HARS1: variants seen among roughly 807,000 people sequenced by gnomAD.
The protein encoded by HARS1 is histidyl-tRNA synthetase 1, also known as histidine--tRNA ligase, cytoplasmic.
Under a neutral mutation model 63.6 loss-of-function variants are expected in HARS1, and 45 were observed. The ratio of observed to expected loss-of-function variants is 0.71; its 90% CI spans 0.56 to 0.91. The LOEUF (loss-of-function observed/expected upper bound fraction) is 0.91. HARS1 is among the 40% of genes least tolerant of loss of function. The probability of loss-of-function intolerance (pLI) is 0.00; values close to 1 mark genes in which losing one functional copy is unlikely to be tolerated. For synonymous variants in HARS1, 205 were observed against 247.1 expected (o/e 0.83, Z 1.60); for missense variants, 508 against 643.2 (o/e 0.79, Z 2.27).
At chr5:140,674,596 T>C in intron 12 of HARS1, 83 bp downstream of exon 12, 1 of 1,485,412 alleles carries the variant, frequency 6.7e-7, no homozygotes, top group Non-Finnish European at 9.4e-7. Flanking sequence ...ATGCCAGGCT[T>C]TTTCTCAGGT....
At chr5:140,675,276 T>C in intron 10 of HARS1, 143 bp from the exon 11 acceptor site, 1 of 645,532 alleles carries the variant, frequency 1.5e-6, no homozygotes, top group Non-Finnish European at 2.8e-6. Flanking sequence ...ACCTTGGGCA[T>C]AAAGGTAGCT....
At position 140,691,197 on chromosome 5, in the gene HARS1, C is replaced by A; in HGVS notation, c.90+18G>T. Reference sequence around the variant, plus strand: ...CCAGGCTTTGCCTTGGCCCTCTCCCCTGCTGCCTAAATCTCACCAGCTCGG... The same window carrying A: ...CCAGGCTTTGCCTTGGCCCTCTCCCATGCTGCCTAAATCTCACCAGCTCGG... On this transcript the variant is annotated intron_variant, in intron 1 of 12. Coordinates refer to ENST00000504156, the MANE Select transcript of HARS1 (RefSeq NM_002109.6). 3.8e-6 allele frequency: 6 copies of A among 1,575,342 alleles called. No individual in the cohort carries two copies. Among genetic ancestry groups the A allele is most frequent in the Non-Finnish European group, 5.2e-6 (6 of 1,156,068 alleles).
chr5:140,684,614 G>A (rs1038420947), intron 2 of HARS1: 8 of 158,744 alleles, frequency 5.0e-5, no homozygotes, highest in African/African-American at 1.9e-4. Flanking sequence ...CTAGAACTGT[G>A]TTGTCCTTCC....
At chr5:140,683,364 A>G in intron 2 of HARS1, 145 bp from the exon 3 acceptor site, 1 of 957,458 alleles carries the variant, frequency 1.0e-6, no homozygotes, top group East Asian at 2.7e-5. Context: ...TGAGTTTTAA[A>G]ACAAGTACAA....
At chr5:140,681,067 A>G (rs1240229943) in intron 3 of HARS1, among the ~76,000 whole-genome samples, 2 of 152,168 alleles carry the variant, frequency 1.3e-5, no homozygotes, top group Non-Finnish European at 2.9e-5. Context: ...GATGTCTATC[A>G]TCGGTAATAG....
chr5:140,675,404 G>T, intron 10 of HARS1: 9 of 294,036 alleles, frequency 3.1e-5, no homozygotes, highest in Admixed American at 4.9e-5. Context: ...TCTCCATGTA[G>T]TACCTTTTTT....
intron 2 of HARS1, among the ~76,000 whole-genome samples, chr5:140,685,917 C>A (rs1425629950): frequency 6.6e-6 from 1 of 151,286 alleles, no homozygotes; most frequent in African/African-American, 2.4e-5. Context: ...CACTTCAGAT[C>A]TCATCAAGAA....
At position 140,675,114 on chromosome 5, in the gene HARS1, C is replaced by G. The variant is rs147185134; in HGVS notation, c.1214G>C (p.Arg405Pro). Residue 405 changes from arginine (R) to proline (P), a missense_variant, in exon 11 of 13, where the codon CGG becomes CCG. Physicochemically the swap from Arg to Pro is moderately radical, Grantham distance 103. Coordinates refer to ENST00000504156, the MANE Select transcript of HARS1 (RefSeq NM_002109.6). ...QRLEALEEKI[R>P]TTETQVLVAS... ...CACAAGCACCTGTGTCTCCGTGGTC[C>G]GTATCTTCTCCTCCAAAGCCTGGGG... The G allele has an allele frequency of 9.3e-6, 15 of 1,610,152 alleles. No individual in the cohort carries two copies. Among genetic ancestry groups the G allele is most frequent in the Non-Finnish European group, 1.2e-5 (14 of 1,176,716 alleles).
chr5:140,674,908 TAGCTCTACTTTTGAG>T (rs1361864058), intron 11 of HARS1, 83 bp from the exon 12 acceptor site: 4 of 1,536,458 alleles, frequency 2.6e-6, no homozygotes, highest in Non-Finnish European at 2.7e-6. Flanking sequence ...ACCCTGTTCT[TAGCTCTACTTTTGAG>T]AAGTAATGGC....
rs1758351151 is a variant in HARS1 at position 140,676,139 on chromosome 5, A to C, written c.1194+515T>G. On this transcript the variant is annotated intron_variant, in intron 10 of 12. Transcript: ENST00000504156. The surrounding 1 kb of genome is among the most constrained non-coding windows in gnomAD (Gnocchi z 4.1). ...CAGTATTGCAGTGTGGTTAGTGGCAAGACTTTGGAGTCAGACTGCCTGGAT... is the reference window on the plus strand; with the variant it reads ...CAGTATTGCAGTGTGGTTAGTGGCACGACTTTGGAGTCAGACTGCCTGGAT... 2 of 155,296 alleles carry C rather than the reference A, an allele frequency of 1.3e-5. No individual in the cohort carries two copies. The highest frequency in any genetic ancestry group is 1.3e-4 in the Admixed American group (2 of 15,636). 9.6% of individuals were successfully genotyped at this position (155,296 alleles called of 1,614,324 possible). A position where few individuals can be genotyped will look rare whatever the true frequency, so the allele number is the denominator to read the frequency against.
At position 140,680,717 on chromosome 5, in the gene HARS1, T is replaced by A. The variant is rs141386881; in HGVS notation, c.301-834A>T. 2.7e-3 allele frequency among the ~76,000 whole-genome samples: 417 copies of A among 151,874 alleles called. 3 individuals carry two copies. The highest frequency in any genetic ancestry group is 0.014 in the Middle Eastern group (4 of 292). On this transcript the variant is annotated intron_variant, in intron 3 of 12. Coordinates refer to ENST00000504156, the MANE Select transcript of HARS1 (RefSeq NM_002109.6). Reference sequence around the variant, plus strand: ...AATTAGCTGGGGGAGCTGGTAGGCATCTAATCCCAGCTATTCGGAGGCTTA... The same window carrying A: ...AATTAGCTGGGGGAGCTGGTAGGCAACTAATCCCAGCTATTCGGAGGCTTA...
intron 7 of HARS1, 74 bp from the exon 8 acceptor site, chr5:140,677,494 G>T: frequency 1.6e-6 from 2 of 1,279,152 alleles, no homozygotes; most frequent in South Asian, 1.2e-5. Flanking sequence ...CTGTCCTCGG[G>T]GAACCGTTTT....
At chr5:140,677,630 AG>A (rs761595983) in intron 7 of HARS1, 24 bp downstream of exon 7, 1 of 1,494,378 alleles carries the variant, frequency 6.7e-7, no homozygotes, top group Non-Finnish European at 9.3e-7. Flanking sequence ...ATCTGGGAAA[AG>A]AAGTCAAGTA....
In HARS1 at chr5:140,675,062, C is replaced by T. The variant is rs763029265; in HGVS notation, c.1266G>A (p.Glu422=). The change falls in exon 11 of 13, where the codon GAG becomes GAA. Residue 422 remains glutamate, a synonymous_variant. Transcript: ENST00000504156. ...GTTCTGAGACAAGCTTTAGTCTTTC[C>T]TCTAGCAGCTTCTTCTGTGCAGATG... ...LVASAQKKLL[E]ERLKLVSELW... 5.6e-6 allele frequency: 9 copies of T among 1,613,414 alleles called. No individual in the cohort carries two copies. Among genetic ancestry groups the T allele is most frequent in the Admixed American group, 1.7e-5 (1 of 59,984 alleles).
chr5:140,674,469 G>A lies in HARS1; in HGVS notation c.1459-141C>T. ...CTAATTAAACACCTCAGGCTAGAGT[G>A]TGCCTCTTGGGGGAGCCAACAAACC... On this transcript the variant is annotated intron_variant, in intron 12 of 12. Transcript: ENST00000504156. 7.6e-6 allele frequency: 6 copies of A among 794,278 alleles called. No homozygotes were observed. In the South Asian group the frequency reaches 9.6e-5, roughly 13 times the overall value. The allele number at this position is 794,278 out of a possible 1,614,324, so 49.2% of individuals were successfully genotyped here.
At chr5:140,686,771 T>G (rs965526668) in intron 2 of HARS1, among the ~76,000 whole-genome samples, 3 of 151,314 alleles carry the variant, frequency 2.0e-5, no homozygotes, top group Non-Finnish European at 2.9e-5. Flanking sequence ...CAGCTAATTT[T>G]TAGTAGAGAT....
At position 140,691,196 on chromosome 5, in the gene HARS1, C is replaced by A; in HGVS notation, c.90+19G>T. On this transcript the variant is annotated intron_variant, in intron 1 of 12. Transcript: ENST00000504156. ...CCCAGGCTTTGCCTTGGCCCTCTCC[C>A]CTGCTGCCTAAATCTCACCAGCTCG... is the stretch of plus-strand genomic sequence containing the variant. 2 of 1,570,958 alleles carry A rather than the reference C, an allele frequency of 1.3e-6. No homozygotes were observed. The highest frequency in any genetic ancestry group is 1.7e-6 in the Non-Finnish European group (2 of 1,152,318).
In HARS1 at chr5:140,679,752, A is replaced by G. The variant is rs761330566; in HGVS notation, c.396+36T>C. 4 of 1,117,904 alleles carry G rather than the reference A, an allele frequency of 3.6e-6. No individual in the cohort carries two copies. Among genetic ancestry groups the G allele is most frequent in the Non-Finnish European group, 5.4e-6 (4 of 736,542 alleles). The allele number at this position is 1,117,904 out of a possible 1,614,324, so 69.2% of individuals were successfully genotyped here. On this transcript the variant is annotated intron_variant, in intron 4 of 12. Transcript: ENST00000504156. The surrounding 1 kb of genome is among the most constrained non-coding windows in gnomAD (Gnocchi z 4.3). ...ACCTGAGCCAAGTGAGTGCCAATCC[A>G]TCCAAAGTCTCAAGAGCCCAAGTTT...
chr5:140,691,337 G>A lies in HARS1; in HGVS notation c.-33C>T. On this transcript the variant is annotated 5_prime_UTR_variant, in exon 1 of 13. Transcript: ENST00000504156. ...GTCCACTTGAGCCGCCTGCTGTCTCGACCTGCGGTGGTTGCCCCAGCCTCA... is the reference window on the plus strand; with the variant it reads ...GTCCACTTGAGCCGCCTGCTGTCTCAACCTGCGGTGGTTGCCCCAGCCTCA... 5 of 1,529,870 alleles carry A rather than the reference G, an allele frequency of 3.3e-6. No individual in the cohort carries two copies. The highest frequency in any genetic ancestry group is 1.7e-4 in the Middle Eastern group (1 of 5,828). The allele number at this position is 1,529,870 out of a possible 1,614,324, so 94.8% of individuals were successfully genotyped here.
Sources: allele counts gnomAD v4.1 joint callset (sites outside exome capture counted in the v4.1 genomes callset), GRCh38; gene constraint gnomAD v4.1.1; non-coding constraint Gnocchi (gnomAD v3.1); transcripts MANE v1.5; gene names NCBI Gene and HGNC (gene_info 2026-07-23, HGNC 2026-07-21).